Variants in PCDHGB2 observed in about 807,000 individuals in gnomAD.
The protein encoded by PCDHGB2 is protocadherin gamma subfamily B, 2.
PCDHGB2 carries 55 observed loss-of-function variants against 59.3 expected under a neutral mutation model. The observed-to-expected ratio is 0.93, with a 90% CI of 0.75 to 1.16. PCDHGB2 has a LOEUF of 1.16. PCDHGB2 is among the 50% of genes most tolerant of loss of function. The pLI is 0.00. For missense variants in PCDHGB2, 1,228 were observed against 1,198.5 expected (o/e 1.02, Z -0.36); for synonymous variants, 516 against 512.0 (o/e 1.01, Z -0.11).
In PCDHGB2 at chr5:141,487,522, T is replaced by C. The variant is rs764726787; in HGVS notation, c.2422-7285T>C. 2 of 1,614,166 alleles carry C rather than the reference T, an allele frequency of 1.2e-6. No individual in the cohort carries two copies. The highest frequency in any genetic ancestry group is 1.7e-6 in the Non-Finnish European group (2 of 1,180,022). ...TGGCTTCTGCACCCACTCGGAGTGATAGCTTCATGATGGTGAAGTCACCCA... is the reference window on the plus strand; with the variant it reads ...TGGCTTCTGCACCCACTCGGAGTGACAGCTTCATGATGGTGAAGTCACCCA... On this transcript the variant is annotated intron_variant, in intron 1 of 3. Coordinates refer to ENST00000522605, the MANE Select transcript of PCDHGB2 (RefSeq NM_018923.3). This position sits in a 1 kb window ranked among gnomAD's most constrained non-coding sequence, Gnocchi z 5.0.
chr5:141,366,806 TC>T, intron 1 of PCDHGB2: 1 of 1,560,888 alleles, frequency 6.4e-7, no homozygotes, highest in Admixed American at 1.9e-5. Flanking sequence ...GTTTCCTTTT[TC>T]ATGTTTCTGT....
At chr5:141,374,058 C>G in intron 1 of PCDHGB2, 1 of 1,487,942 alleles carries the variant, frequency 6.7e-7, no homozygotes, top group Non-Finnish European at 8.9e-7. Flanking sequence ...CTTCTTAATC[C>G]CAGAGAAGTT....
At chr5:141,389,367 G>A (rs1402654392) in intron 1 of PCDHGB2, 4 of 1,613,806 alleles carry the variant, frequency 2.5e-6, no homozygotes, top group South Asian at 1.1e-5. Context: ...CAGTGACCTG[G>A]AGCAGCGGGA....
At chr5:141,415,656 T>C (rs1211470385) in intron 1 of PCDHGB2, 9 of 1,585,542 alleles carry the variant, frequency 5.7e-6, no homozygotes, top group African/African-American at 1.4e-5. Flanking sequence ...AAAAAAAGAT[T>C]GGTTTTTACT....
chr5:141,453,869 G>A (rs887544235), intron 1 of PCDHGB2, among the ~76,000 whole-genome samples: 9 of 152,144 alleles, frequency 5.9e-5, no homozygotes, highest in Non-Finnish European at 1.2e-4. Context: ...TAACAGATGA[G>A]CAAAATAATG....
intron 1 of PCDHGB2, among the ~76,000 whole-genome samples, chr5:141,462,650 TC>T (rs1254671361): frequency 7.3e-6 from 1 of 137,262 alleles, no homozygotes; most frequent in African/African-American, 3.0e-5. Context: ...ATTTCCATCC[TC>T]AATTATCTTC....
chr5:141,455,477 C>A (rs557286491), intron 1 of PCDHGB2, among the ~76,000 whole-genome samples: 15 of 152,252 alleles, frequency 9.9e-5, no homozygotes, highest in African/African-American at 2.9e-4. Flanking sequence ...TATGCAGAGG[C>A]TGGTGGAGGT....
In PCDHGB2 at chr5:141,360,351, G is replaced by A. The variant is rs188525608; in HGVS notation, c.216G>A (p.Lys72=). 7 of 1,613,876 alleles carry A rather than the reference G, an allele frequency of 4.3e-6. No individual in the cohort carries two copies. In the East Asian group the frequency reaches 1.6e-4, roughly 36 times the overall value. Reference sequence around the variant, plus strand: ...GGAAGCTGCGGGTTAGCGCGGAGAAGGAATATTTCACAGTAAACCCAGAAA... The same window carrying A: ...GGAAGCTGCGGGTTAGCGCGGAGAAAGAATATTTCACAGTAAACCCAGAAA... ...PARKLRVSAE[K]EYFTVNPESG... is the part of the protein sequence containing the mutation. Residue 72 remains lysine, a synonymous_variant, in exon 1 of 4, where the codon AAG becomes AAA. Transcript: ENST00000522605.
At chr5:141,395,648 T>G (rs2093296043) in intron 1 of PCDHGB2, 1 of 167,156 alleles carries the variant, frequency 6.0e-6, no homozygotes, top group South Asian at 1.9e-4. Context: ...GTTATTAGCT[T>G]AGCAAAAGTA....
At chr5:141,372,288 T>A in intron 1 of PCDHGB2, 1 of 1,613,284 alleles carries the variant, frequency 6.2e-7, no homozygotes, top group East Asian at 2.2e-5. Context: ...GGCGCGTACC[T>A]TGGGCGACAG....
At chr5:141,423,761 TG>T in intron 1 of PCDHGB2, 1 of 156,420 alleles carries the variant, frequency 6.4e-6, no homozygotes, top group Non-Finnish European at 9.2e-6. Context: ...GGGGGGGGGG[TG>T]GGGCGGCATA....
At chr5:141,453,700 G>A (rs953445370) in intron 1 of PCDHGB2, among the ~76,000 whole-genome samples, 1 of 152,166 alleles carries the variant, frequency 6.6e-6, no homozygotes, top group Non-Finnish European at 1.5e-5. Flanking sequence ...TCCTGGCTTT[G>A]AACAGTTTCA....
chr5:141,370,893 C>T (rs116495533), intron 1 of PCDHGB2: 4 of 1,613,944 alleles, frequency 2.5e-6, no homozygotes, highest in Admixed American at 3.3e-5. Flanking sequence ...TGTCAATTCG[C>T]TGCAGCAGTA....
Position 141,495,110 on chromosome 5 carries a change from T to C in PCDHGB2, c.2480+245T>C, listed in dbSNP as rs74534116. Among the ~76,000 whole-genome samples the C allele has an allele frequency of 3.9e-3, 595 of 152,212 alleles. 3 individuals carry two copies. The highest frequency in any genetic ancestry group is 0.013 in the African/African-American group (538 of 41,532). On this transcript the variant is annotated intron_variant, in intron 2 of 3. Coordinates refer to ENST00000522605, the MANE Select transcript of PCDHGB2 (RefSeq NM_018923.3). The stretch of plus-strand genomic sequence containing the variant: ...TTCCCTCCTCGCCACGACCGGCACC[T>C]TTTCCTATCCCCTGAGGGCACTGTG...
chr5:141,361,472 A>T lies in PCDHGB2; in HGVS notation c.1337A>T (p.Asn446Ile), dbSNP rs1480148367. 1 of 1,613,906 alleles carries T rather than the reference A, an allele frequency of 6.2e-7. No individual in the cohort carries two copies. Among genetic ancestry groups the T allele is most frequent in the Admixed American group, 1.7e-5 (1 of 60,004 alleles). ...IIVTLHISDV[N>I]DNAPVFQQTS... ...GTCACCCTGCACATCTCCGACGTCA[A>T]CGATAATGCCCCAGTTTTCCAACAG... Residue 446 changes from asparagine (N) to isoleucine (I), a missense_variant, in exon 1 of 4, where the codon AAC (asparagine) becomes ATC (isoleucine). By Grantham distance (149) the Asn-to-Ile change is moderately radical. This residue lies in a region of PCDHGB2 where 781 missense variants were observed against 721.6 expected (regional missense o/e 1.08). Transcript: ENST00000522605.
Position 141,360,460 on chromosome 5 carries a change from G to A in PCDHGB2, c.325G>A (p.Val109Ile). The A allele has an allele frequency of 6.2e-7, 1 of 1,613,936 alleles. No homozygotes were observed. The highest frequency in any genetic ancestry group is 8.5e-7 in the Non-Finnish European group (1 of 1,179,854). ...QPLCVLDFDT[V>I]AENPLNIFYI... ...TCTGTGTGTTCTGGATTTCGATACT[G>A]TCGCTGAAAATCCACTAAATATTTT... Residue 109 changes from valine (V) to isoleucine (I), a missense_variant, in exon 1 of 4, where the codon GTC (valine) becomes ATC (isoleucine). Val to Ile is a conservative substitution (Grantham distance 29). This residue lies in a region of PCDHGB2 where 781 missense variants were observed against 721.6 expected (regional missense o/e 1.08). Coordinates refer to ENST00000522605, the MANE Select transcript of PCDHGB2 (RefSeq NM_018923.3).
At position 141,360,433 on chromosome 5, in the gene PCDHGB2, C is replaced by T; in HGVS notation, c.298C>T (p.Pro100Ser). Reference protein sequence around the residue: ...IDREQICGKQPLCVLDFDTVA... With the variant: ...IDREQICGKQSLCVLDFDTVA... Reference sequence around the variant, plus strand: ...CCGAGAACAGATATGCGGGAAGCAGCCTCTGTGTGTTCTGGATTTCGATAC... The same window carrying T: ...CCGAGAACAGATATGCGGGAAGCAGTCTCTGTGTGTTCTGGATTTCGATAC... Residue 100 changes from proline to serine, a missense_variant, in exon 1 of 4, where the codon CCT (proline) becomes TCT (serine). This residue lies in a region of PCDHGB2 where 781 missense variants were observed against 721.6 expected (regional missense o/e 1.08). Transcript: ENST00000522605. 1 of 1,613,984 alleles carries T rather than the reference C, an allele frequency of 6.2e-7. No homozygotes were observed. Among genetic ancestry groups the T allele is most frequent in the Non-Finnish European group, 8.5e-7 (1 of 1,179,878 alleles).
intron 1 of PCDHGB2, chr5:141,417,644 A>G (rs2096142506): frequency 3.9e-6 from 3 of 779,086 alleles, no homozygotes; most frequent in Non-Finnish European, 5.8e-6. Context: ...GGGATCCCTC[A>G]GCCTCTAGCC....
rs756423770 is a variant in PCDHGB2 at position 141,430,950 on chromosome 5, T to G, written c.2422-63857T>G. 8 of 1,609,862 alleles carry G rather than the reference T, an allele frequency of 5.0e-6. No individual in the cohort carries two copies. The East Asian group carries it at 1.6e-4, about 31-fold the overall frequency. On this transcript the variant is annotated intron_variant, in intron 1 of 3. Coordinates refer to ENST00000522605, the MANE Select transcript of PCDHGB2 (RefSeq NM_018923.3). ...CCCCGGGAGCTCGCGGAGCGCGGAG[T>G]CCGCATCATCCCCAGAGGTAGGACG...
Sources: allele counts gnomAD v4.1 joint callset (sites outside exome capture counted in the v4.1 genomes callset), GRCh38; gene constraint gnomAD v4.1.1; regional missense constraint gnomAD v4.1.1; non-coding constraint Gnocchi (gnomAD v3.1); transcripts MANE v1.5; gene names NCBI Gene and HGNC (gene_info 2026-07-23, HGNC 2026-07-21).